Variants in PPP2CB observed in about 807,000 individuals in gnomAD.
PPP2CB encodes the protein serine/threonine-protein phosphatase 2A catalytic subunit beta isoform.
Under a neutral mutation model 39.1 loss-of-function variants are expected in PPP2CB, and 18 were observed. The ratio of observed to expected loss-of-function variants is 0.46; its 90% CI spans 0.32 to 0.68. The LOEUF is 0.68. Ranked by LOEUF, PPP2CB falls within the 30% of genes least tolerant of loss-of-function variation. PPP2CB has a pLI of 0.04. For missense variants in PPP2CB, 226 were observed against 396.9 expected (o/e 0.57, Z 3.66); for synonymous variants, 129 against 133.8 (o/e 0.96, Z 0.25).
At chr8:30,791,541 T>C (rs1168658125) in intron 5 of PPP2CB, 1 of 359,094 alleles carries the variant, frequency 2.8e-6, no homozygotes, top group African/African-American at 2.1e-5. Flanking sequence ...ATTGTTGTTT[T>C]GCCGTATCTA....
In PPP2CB at chr8:30,799,295, T is replaced by TC. The variant is rs1806579319; in HGVS notation, c.312+250_312+251insG. On this transcript the variant is annotated intron_variant, in intron 2 of 6. Transcript: ENST00000221138. The stretch of plus-strand genomic sequence containing the variant: ...AAAAGACTTGTCTACTGACTCAATA[T>TC]AACGGATAAGTGATAAAGTCAAATA... Among the ~76,000 whole-genome samples, 7 of 152,328 alleles carry TC rather than the reference T, an allele frequency of 4.6e-5. No individual in the cohort carries two copies. In the South Asian group the frequency reaches 1.5e-3, roughly 32 times the overall value.
chr8:30,791,364 G>C, intron 5 of PPP2CB, 49 bp from the exon 6 acceptor site: 1 of 1,341,102 alleles, frequency 7.5e-7, no homozygotes, highest in Non-Finnish European at 1.0e-6. Context: ...TTATGATTTT[G>C]ACACAGACAC....
At chr8:30,811,931 T>C (rs1806836968) in intron 1 of PPP2CB, among the ~76,000 whole-genome samples, 1 of 152,232 alleles carries the variant, frequency 6.6e-6, no homozygotes, top group African/African-American at 2.4e-5. Context: ...AAAATGGTCC[T>C]TTTCGGACGT....
intron 3 of PPP2CB, among the ~76,000 whole-genome samples, chr8:30,795,048 G>A (rs1806497076): frequency 6.6e-6 from 1 of 151,328 alleles, no homozygotes; most frequent in Middle Eastern, 3.5e-3. Context: ...CTAGTTTCAA[G>A]TCCATGCTCT....
rs1021824228 is a variant in PPP2CB at position 30,804,691 on chromosome 8, T to C, written c.103-4936A>G. On this transcript the variant is annotated intron_variant, in intron 1 of 6. Coordinates refer to ENST00000221138, the MANE Select transcript of PPP2CB (RefSeq NM_001009552.2). ...CCAAAACTGAGGCAGTCCTGGGCAG[T>C]GTTCCCTGTAATTTATAGTTCACTG... 2.6e-5 allele frequency among the ~76,000 whole-genome samples: 4 copies of C among 152,198 alleles called. 1 individual carries two copies. The highest frequency in any genetic ancestry group is 2.6e-4 in the Admixed American group (4 of 15,280).
At chr8:30,801,502 C>T (rs1174006436) in intron 1 of PPP2CB, among the ~76,000 whole-genome samples, 2 of 151,094 alleles carry the variant, frequency 1.3e-5, no homozygotes, top group African/African-American at 4.9e-5. Context: ...CCACTGCACT[C>T]CAGCCTGGGC....
rs1806331039 is a variant in PPP2CB at position 30,785,898 on chromosome 8, A to ACT, written c.*336_*337insAG. The ACT allele has an allele frequency of 2.2e-6, 1 of 461,880 alleles. No individual in the cohort carries two copies. The highest frequency in any genetic ancestry group is 1.6e-5 in the South Asian group (1 of 60,676). 28.6% of individuals were successfully genotyped at this position (461,880 alleles called of 1,614,324 possible). The stretch of plus-strand genomic sequence containing the variant: ...CCAACTCTATTAATCCATGCCAGTT[A>ACT]AACACTATAACTAAAATTTCCAAAT... On this transcript the variant is annotated 3_prime_UTR_variant, in exon 7 of 7. Coordinates refer to ENST00000221138, the MANE Select transcript of PPP2CB (RefSeq NM_001009552.2).
At chr8:30,808,969 G>C (rs995470010) in intron 1 of PPP2CB, among the ~76,000 whole-genome samples, 25 of 144,888 alleles carry the variant, frequency 1.7e-4, no homozygotes, top group African/African-American at 6.2e-4. Context: ...CTGTCACCCA[G>C]GCTGGAGTGC....
chr8:30,805,146 T>C (rs1171440383), intron 1 of PPP2CB, among the ~76,000 whole-genome samples: 1 of 152,176 alleles, frequency 6.6e-6, no homozygotes, highest in East Asian at 1.9e-4. Flanking sequence ...CAAGCGCCTC[T>C]TTTGCTACTC....
chr8:30,812,780 G>A lies in PPP2CB; in HGVS notation c.-359C>T, dbSNP rs1337010499. On this transcript the variant is annotated 5_prime_UTR_variant, in exon 1 of 7. Coordinates refer to ENST00000221138, the MANE Select transcript of PPP2CB (RefSeq NM_001009552.2). ...CGCTGCCGCTTCAGGCCCGCCTCAC[G>A]CCTACCGGCCTCTCCCGACTTGTCT... The A allele has an allele frequency of 4.3e-6, 2 of 466,088 alleles. No individual in the cohort carries two copies. Among genetic ancestry groups the A allele is most frequent in the East Asian group, 6.8e-5 (1 of 14,792 alleles). 28.9% of individuals were successfully genotyped at this position (466,088 alleles called of 1,614,324 possible). A position where few individuals can be genotyped will look rare whatever the true frequency, so the allele number is the denominator to read the frequency against.
chr8:30,793,691 T>TG lies in PPP2CB; in HGVS notation c.738+225dup, dbSNP rs1806475688. The TG allele has an allele frequency of 1.6e-5, 7 of 428,058 alleles. No homozygotes were observed. In the South Asian group the frequency reaches 4.4e-4, roughly 27 times the overall value. The allele number at this position is 428,058 out of a possible 1,614,324, so 26.5% of individuals were successfully genotyped here. A position where few individuals can be genotyped will look rare whatever the true frequency, so the allele number is the denominator to read the frequency against. On this transcript the variant is annotated intron_variant, in intron 5 of 6. Coordinates refer to ENST00000221138, the MANE Select transcript of PPP2CB (RefSeq NM_001009552.2). ...TCTGAATGAAGCATACAGGGAATTA[T>TG]GGGGTACTATTTTTGTAACTTTTTT...
At chr8:30,798,196 C>T (rs1806557261) in intron 2 of PPP2CB, among the ~76,000 whole-genome samples, 1 of 152,162 alleles carries the variant, frequency 6.6e-6, no homozygotes, top group Non-Finnish European at 1.5e-5. Flanking sequence ...TTATTTCCCA[C>T]AGGAAGATTG....
chr8:30,799,283 A>T (rs1323574937), intron 2 of PPP2CB, among the ~76,000 whole-genome samples: 1 of 152,232 alleles, frequency 6.6e-6, no homozygotes, highest in Non-Finnish European at 1.5e-5. Context: ...AGACTTGTCT[A>T]CTGACTCAAT....
chr8:30,812,801 T>C lies in PPP2CB; in HGVS notation c.-380A>G, dbSNP rs1397602072. On this transcript the variant is annotated 5_prime_UTR_variant, in exon 1 of 7. Coordinates refer to ENST00000221138, the MANE Select transcript of PPP2CB (RefSeq NM_001009552.2). Reference sequence around the variant, plus strand: ...TCACGCCTACCGGCCTCTCCCGACTTGTCTTTCCCCTTCTCTCGCTCTTTC... The same window carrying C: ...TCACGCCTACCGGCCTCTCCCGACTCGTCTTTCCCCTTCTCTCGCTCTTTC... 6 of 461,570 alleles carry C rather than the reference T, an allele frequency of 1.3e-5. No individual in the cohort carries two copies. The highest frequency in any genetic ancestry group is 1.2e-4 in the Admixed American group (5 of 42,764). 28.6% of individuals were successfully genotyped at this position (461,570 alleles called of 1,614,324 possible). A position where few individuals can be genotyped will look rare whatever the true frequency, so the allele number is the denominator to read the frequency against.
chr8:30,807,215 C>T (rs1044394603), intron 1 of PPP2CB, among the ~76,000 whole-genome samples: 1 of 152,082 alleles, frequency 6.6e-6, no homozygotes. Flanking sequence ...AATTTTTGTT[C>T]GAGGGAAATT....
At chr8:30,806,091 A>G (rs908743915) in intron 1 of PPP2CB, among the ~76,000 whole-genome samples, 12 of 143,276 alleles carry the variant, frequency 8.4e-5, no homozygotes, top group Admixed American at 7.3e-5. Flanking sequence ...TCTGTCACCC[A>G]GGCTGGAATG....
intron 1 of PPP2CB, among the ~76,000 whole-genome samples, chr8:30,806,046 ATT>A (rs1217819037): frequency 2.6e-4 from 36 of 137,188 alleles, no homozygotes; most frequent in Admixed American, 3.7e-4. Flanking sequence ...GGTTAATATG[ATT>A]TTTTTTTTTT....
At chr8:30,792,295 T>C (rs1392294937) in intron 5 of PPP2CB, among the ~76,000 whole-genome samples, 1 of 151,974 alleles carries the variant, frequency 6.6e-6, no homozygotes, top group Non-Finnish European at 1.5e-5. Context: ...GCTCCAGCAA[T>C]CCGCTTGCCT....
intron 3 of PPP2CB, 129 bp downstream of exon 3, chr8:30,797,452 A>C (rs1586124200): frequency 1.1e-6 from 1 of 900,786 alleles, no homozygotes; most frequent in Non-Finnish European, 1.6e-6. Flanking sequence ...TTTAAGTATA[A>C]GGGAAGGAGG....
Sources: gnomAD v4.1 joint callset for allele counts (sites outside exome capture counted in the v4.1 genomes callset) on GRCh38, gnomAD v4.1.1 for gene constraint, MANE v1.5 for transcripts, NCBI Gene and HGNC (gene_info 2026-07-23, HGNC 2026-07-21) for gene names.